The following CADM2 variants were observed in gnomAD, a reference collection of about 807,000 sequenced individuals.
The protein encoded by CADM2 is immunoglobulin superfamily member 4D.
CADM2 carries 12 observed loss-of-function variants against 49.8 expected under a neutral mutation model. The observed-to-expected ratio is 0.24, with a 90% confidence interval of 0.15 to 0.39. The LOEUF (loss-of-function observed/expected upper bound fraction) is 0.39, where lower values mean the gene tolerates loss of function less well. CADM2 is among the 10% of genes least tolerant of loss of function. The pLI is 1.00. For missense variants in CADM2, 378 were observed against 492.3 expected (o/e 0.77, Z 2.20); for synonymous variants, 214 against 175.4 (o/e 1.22, Z -1.74).
At chr3:85,955,047 G>A (rs1028135451) in intron 7 of CADM2, among the ~76,000 whole-genome samples, 1 of 151,322 alleles carries the variant, frequency 6.6e-6, no homozygotes, top group African/African-American at 2.4e-5. Context: ...TTCCTATGGT[G>A]ACATGGTGCA....
intron 1 of CADM2, among the ~76,000 whole-genome samples, chr3:85,080,169 A>G (rs111694157): frequency 1.3e-5 from 2 of 151,984 alleles, no homozygotes; most frequent in African/African-American, 4.8e-5. Flanking sequence ...ACTTCTTTAT[A>G]CCTTGGTCGG....
At chr3:85,596,603 A>G (rs1409844760) in intron 1 of CADM2, among the ~76,000 whole-genome samples, 6 of 150,824 alleles carry the variant, frequency 4.0e-5, no homozygotes, top group Non-Finnish European at 1.5e-5. Flanking sequence ...ACCACTTACC[A>G]TGAGATCTAC....
chr3:85,198,192 C>A (rs1485335293), intron 1 of CADM2, among the ~76,000 whole-genome samples: 1 of 151,842 alleles, frequency 6.6e-6, no homozygotes, highest in Non-Finnish European at 1.5e-5. Context: ...AATTAGCATT[C>A]TCTTCCAGTA....
intron 1 of CADM2, among the ~76,000 whole-genome samples, chr3:85,214,593 G>A (rs1415952557): frequency 1.3e-5 from 2 of 151,928 alleles, no homozygotes; most frequent in African/African-American, 2.4e-5. Flanking sequence ...GCCAGGGCCT[G>A]GAGTAGGGTA....
intron 2 of CADM2, among the ~76,000 whole-genome samples, chr3:85,745,466 T>A (rs2068579365): frequency 6.6e-6 from 1 of 151,786 alleles, no homozygotes; most frequent in Admixed American, 6.6e-5. Context: ...AATAAATGGA[T>A]CATGGAGAAA....
At chr3:85,669,400 A>G (rs1443379358) in intron 1 of CADM2, among the ~76,000 whole-genome samples, 11 of 152,112 alleles carry the variant, frequency 7.2e-5, no homozygotes, top group Admixed American at 5.9e-4. Context: ...TCATTTTGTA[A>G]GTGGTATTGG....
In CADM2 at chr3:85,814,324, C is replaced by A. The variant is rs764822390; in HGVS notation, c.238+12128C>A. Among the ~76,000 whole-genome samples the A allele has an allele frequency of 2.0e-5, 3 of 152,008 alleles. 1 individual carries two copies. Among genetic ancestry groups the A allele is most frequent in the African/African-American group, 7.2e-5 (3 of 41,420 alleles). On this transcript the variant is annotated intron_variant, in intron 3 of 9. Transcript: ENST00000383699. Reference sequence around the variant, plus strand: ...TAGCAATTGTGAATGGGAGTTCACTCATGATTTGGTCTCTGTTTGTATGTT... The same window carrying A: ...TAGCAATTGTGAATGGGAGTTCACTAATGATTTGGTCTCTGTTTGTATGTT...
intron 1 of CADM2, among the ~76,000 whole-genome samples, chr3:85,408,167 G>A (rs1303835052): frequency 1.3e-5 from 2 of 152,102 alleles, no homozygotes; most frequent in Admixed American, 1.3e-4. Flanking sequence ...TTGAGGTAAA[G>A]GCAAGAGTGG....
At chr3:85,462,476 C>A (rs1199135124) in intron 1 of CADM2, among the ~76,000 whole-genome samples, 1 of 152,140 alleles carries the variant, frequency 6.6e-6, no homozygotes, top group Non-Finnish European at 1.5e-5. Context: ...AAGCTTGATT[C>A]ATTCCATGGT....
At chr3:85,680,422 G>GAAC (rs542878708) in intron 1 of CADM2, among the ~76,000 whole-genome samples, 224 of 152,214 alleles carry the variant, frequency 1.5e-3, no homozygotes, top group African/African-American at 5.3e-3. Context: ...CACTTTCTAT[G>GAAC]AACAGCTATA....
intron 1 of CADM2, among the ~76,000 whole-genome samples, chr3:85,593,810 G>T: frequency 6.6e-6 from 1 of 151,966 alleles, no homozygotes; most frequent in East Asian, 1.9e-4. Context: ...CTGTTAACTG[G>T]GTCAAGGACT....
At chr3:85,995,947 A>G (rs989384944) in intron 8 of CADM2, among the ~76,000 whole-genome samples, 48 of 151,788 alleles carry the variant, frequency 3.2e-4, no homozygotes, top group South Asian at 8.3e-4. Flanking sequence ...AAAATTAGCC[A>G]GGCGTGGTGG....
intron 8 of CADM2, among the ~76,000 whole-genome samples, chr3:85,997,397 G>A (rs530070375): frequency 6.6e-6 from 1 of 152,234 alleles, no homozygotes; most frequent in African/African-American, 2.4e-5. Flanking sequence ...GGAGCTGTTA[G>A]TGTATTGCAA....
At chr3:86,038,123 T>G (rs570214219) in intron 8 of CADM2, among the ~76,000 whole-genome samples, 132 of 152,288 alleles carry the variant, frequency 8.7e-4, no homozygotes, top group African/African-American at 2.9e-3. Context: ...CTGAGAATGA[T>G]AGTTTCCAGC....
intron 1 of CADM2, among the ~76,000 whole-genome samples, chr3:85,093,105 A>G (rs2037660154): frequency 2.0e-5 from 3 of 152,218 alleles, no homozygotes; most frequent in Admixed American, 2.0e-4. Flanking sequence ...CAAAATTCAT[A>G]GGTCCAGCAT....
intron 3 of CADM2, among the ~76,000 whole-genome samples, chr3:85,809,743 C>CT (rs2072712534): frequency 8.3e-6 from 1 of 120,362 alleles, no homozygotes; most frequent in African/African-American, 3.5e-5. Context: ...CTCCCTCCCT[C>CT]CTCTCTCCCT....
At chr3:85,970,399 T>A (rs776300099) in intron 8 of CADM2, among the ~76,000 whole-genome samples, 8 of 151,492 alleles carry the variant, frequency 5.3e-5, no homozygotes, top group Non-Finnish European at 8.9e-5. Flanking sequence ...AATAGATGCT[T>A]ATTCACAATT....
At chr3:86,062,634 G>T (rs1264847344) in intron 8 of CADM2, among the ~76,000 whole-genome samples, 1 of 148,096 alleles carries the variant, frequency 6.8e-6, no homozygotes, top group African/African-American at 2.5e-5. Flanking sequence ...ACAAAAATTA[G>T]CCGAGGCTAA....
chr3:85,285,617 A>G (rs2043615755), intron 1 of CADM2, among the ~76,000 whole-genome samples: 2 of 152,202 alleles, frequency 1.3e-5, no homozygotes, highest in South Asian at 4.1e-4. Flanking sequence ...TGGTTGCAAA[A>G]TTAATATGAA....
Sources: allele counts gnomAD v4.1 joint callset (sites outside exome capture counted in the v4.1 genomes callset), GRCh38; gene constraint gnomAD v4.1.1; transcripts MANE v1.5; gene names NCBI Gene and HGNC (gene_info 2026-07-23, HGNC 2026-07-21).